The following PREX2 variants were observed in gnomAD, a reference collection of about 807,000 sequenced individuals.
The protein encoded by PREX2 is phosphatidylinositol-3,4,5-trisphosphate dependent Rac exchange factor 2, also known as phosphatidylinositol 3,4,5-trisphosphate-dependent Rac exchanger 2 protein.
A neutral mutation model predicts 203.2 loss-of-function variants in PREX2; 107 were observed. The ratio of observed to expected loss-of-function variants is 0.53; its 90% confidence interval spans 0.45 to 0.62. PREX2 has a LOEUF of 0.62. Ranked by LOEUF, PREX2 falls within the 20% of genes least tolerant of loss-of-function variation. The pLI is 0.00. For synonymous variants in PREX2, 672 were observed against 663.6 expected, an observed-to-expected ratio of 1.01 and a Z score of -0.19; for missense variants, 1,777 against 1,955.9, an observed-to-expected ratio of 0.91 and a Z score of 1.72.
chr8:68,033,553 A>G (rs183744060), intron 6 of PREX2, among the ~76,000 whole-genome samples: 3 of 152,308 alleles, frequency 2.0e-5, no homozygotes, highest in Admixed American at 6.5e-5. Flanking sequence ...TTGCAGAGTC[A>G]ATACAAAAGC....
intron 1 of PREX2, among the ~76,000 whole-genome samples, chr8:68,015,125 C>T (rs1223245618): frequency 3.3e-5 from 5 of 152,132 alleles, no homozygotes; most frequent in Non-Finnish European, 7.4e-5. Context: ...ACTAATGCTT[C>T]CTTGATTGAT....
At chr8:68,182,549 T>C (rs1195107349) in intron 35 of PREX2, among the ~76,000 whole-genome samples, 2 of 152,134 alleles carry the variant, frequency 1.3e-5, no homozygotes, top group Non-Finnish European at 2.9e-5. Flanking sequence ...ATGTACATAA[T>C]GATTTAATCT....
intron 1 of PREX2, among the ~76,000 whole-genome samples, chr8:68,006,057 G>C (rs987616721): frequency 1.3e-5 from 2 of 152,152 alleles, no homozygotes; most frequent in Non-Finnish European, 2.9e-5. Context: ...TTCAATTCCT[G>C]CCATTATTCT....
chr8:67,996,947 A>G (rs1453521068), intron 1 of PREX2, among the ~76,000 whole-genome samples: 1 of 152,214 alleles, frequency 6.6e-6, no homozygotes, highest in African/African-American at 2.4e-5. Context: ...TGCAAAAGTA[A>G]TTATGATTTT....
At chr8:68,061,575 G>T (rs189244160) in intron 11 of PREX2, among the ~76,000 whole-genome samples, 1 of 152,208 alleles carries the variant, frequency 6.6e-6, no homozygotes, top group Non-Finnish European at 1.5e-5. Context: ...TGCTGGCAAA[G>T]CTACAATACC....
chr8:68,030,702 G>T, intron 6 of PREX2, 44 bp downstream of exon 6: 1 of 1,592,570 alleles, frequency 6.3e-7, no homozygotes, highest in Non-Finnish European at 8.6e-7. Context: ...ATAGTTTTAT[G>T]TTGCAGGCCT....
chr8:68,197,362 G>A (rs1441177543), intron 37 of PREX2, among the ~76,000 whole-genome samples: 1 of 152,088 alleles, frequency 6.6e-6, no homozygotes, highest in African/African-American at 2.4e-5. Flanking sequence ...GCTTTTATAA[G>A]TATCTGGCAT....
At chr8:68,078,689 T>TC (rs1277793227) in intron 15 of PREX2, among the ~76,000 whole-genome samples, 1 of 152,170 alleles carries the variant, frequency 6.6e-6, no homozygotes, top group Non-Finnish European at 1.5e-5. Context: ...GAAATATTGG[T>TC]CCTTGAAGAA....
intron 11 of PREX2, among the ~76,000 whole-genome samples, chr8:68,067,045 G>C (rs1007145120): frequency 4.6e-5 from 7 of 152,026 alleles, no homozygotes; most frequent in African/African-American, 1.4e-4. Flanking sequence ...ATAAATCTGT[G>C]AATTTATTTC....
chr8:68,134,196 G>A lies in PREX2; in HGVS notation c.3904G>A (p.Glu1302Lys). 1 of 1,614,120 alleles carries A rather than the reference G, an allele frequency of 6.2e-7. No individual in the cohort carries two copies. Among genetic ancestry groups the A allele is most frequent in the South Asian group, 1.1e-5 (1 of 91,088 alleles). Residue 1302 changes from glutamate (E) to lysine (K), a missense_variant, in exon 32 of 40, where the codon GAA (glutamate) becomes AAA (lysine). Glu to Lys is a moderately conservative substitution (Grantham distance 56, BLOSUM62 1). Coordinates refer to ENST00000288368, the MANE Select transcript of PREX2 (RefSeq NM_024870.4). ...NSKENEMETW[E>K]ASRRWLDQIA... ...CAAGGAAAATGAGATGGAAACTTGG[G>A]AAGCCAGCAGGAGGTGGCTGGACCA...
At chr8:68,098,936 G>GTATATATATATATA in intron 22 of PREX2, among the ~76,000 whole-genome samples, 1 of 74,868 alleles carries the variant, frequency 1.3e-5, no homozygotes, top group African/African-American at 5.0e-5. Context: ...ACATATATAT[G>GTATATATATATATA]TGTATATATA....
At chr8:68,199,404 G>T (rs770348918) in intron 37 of PREX2, among the ~76,000 whole-genome samples, 2 of 152,200 alleles carry the variant, frequency 1.3e-5, no homozygotes, top group East Asian at 1.9e-4. Flanking sequence ...ATTTAACAAT[G>T]CTGGGTATAT....
At chr8:68,054,502 G>T (rs1389680804) in intron 9 of PREX2, among the ~76,000 whole-genome samples, 1 of 152,064 alleles carries the variant, frequency 6.6e-6, no homozygotes, top group Non-Finnish European at 1.5e-5. Context: ...AAATGATAAT[G>T]GCTCCAGCAT....
chr8:68,120,623 G>A (rs552098177), intron 29 of PREX2, among the ~76,000 whole-genome samples: 37 of 152,242 alleles, frequency 2.4e-4, no homozygotes, highest in African/African-American at 8.9e-4. Context: ...GTGAGGAAAG[G>A]GTGTGGGGAA....
chr8:68,202,586 G>A (rs1175471331), intron 37 of PREX2, among the ~76,000 whole-genome samples: 2 of 152,168 alleles, frequency 1.3e-5, no homozygotes, highest in Non-Finnish European at 2.9e-5. Flanking sequence ...ACCTAGCACC[G>A]AAGCACTGGC....
rs2129613106 is a variant in PREX2 at position 68,120,224 on chromosome 8, G to A, written c.3533G>A (p.Gly1178Glu). ...GATTCAATTACCAATCTCCTAAAAG[G>A]GCAGGCTGTTGTGAGGGCCTTTGAC... Reference protein sequence around the residue: ...QVDSITNLLKGQAVVRAFDQT... With the variant: ...QVDSITNLLKEQAVVRAFDQT... Residue 1178 changes from glycine (G) to glutamate (E), a missense_variant, in exon 29 of 40, where the codon GGG becomes GAG. By Grantham distance (98) the Gly-to-Glu change is moderately conservative. Transcript: ENST00000288368. 1.2e-6 allele frequency: 2 copies of A among 1,613,474 alleles called. No homozygotes were observed. The highest frequency in any genetic ancestry group is 8.5e-7 in the Non-Finnish European group (1 of 1,179,534).
chr8:68,189,144 G>C (rs1812246499), intron 35 of PREX2, among the ~76,000 whole-genome samples: 1 of 152,184 alleles, frequency 6.6e-6, no homozygotes, highest in South Asian at 2.1e-4. Context: ...TTAAAGCATG[G>C]TGCATAAGTG....
intron 22 of PREX2, among the ~76,000 whole-genome samples, chr8:68,098,657 A>T (rs927044552): frequency 6.6e-6 from 1 of 151,908 alleles, no homozygotes; most frequent in Non-Finnish European, 1.5e-5. Context: ...CTAGTATTAC[A>T]AATATCACTT....
chr8:68,109,213 T>C (rs1810482705), intron 24 of PREX2, among the ~76,000 whole-genome samples: 1 of 152,210 alleles, frequency 6.6e-6, no homozygotes, highest in South Asian at 2.1e-4. Context: ...AGCACCAACA[T>C]GATAACTATG....
Sources: allele counts gnomAD v4.1 joint callset (sites outside exome capture counted in the v4.1 genomes callset), GRCh38; gene constraint gnomAD v4.1.1; transcripts MANE v1.5; gene names NCBI Gene and HGNC (gene_info 2026-07-23, HGNC 2026-07-21).